Variants in EXO1 observed in about 807,000 individuals in gnomAD.
The protein encoded by EXO1 is exonuclease 1.
Under a neutral mutation model 84.5 loss-of-function variants are expected in EXO1, and 69 were observed. The observed-to-expected ratio is 0.82, with a 90% CI of 0.67 to 1.00. The LOEUF is 1.00. Ranked by LOEUF, EXO1 falls within the 50% of genes least tolerant of loss-of-function variation. The pLI is 0.00. For missense variants in EXO1, 1,045 were observed against 1,000.7 expected, an observed-to-expected ratio of 1.04 and a Z score of -0.60; for synonymous variants, 373 against 366.1, an observed-to-expected ratio of 1.02 and a Z score of -0.21.
chr1:241,854,575 C>A (rs894584562), intron 6 of EXO1: 2 of 152,228 alleles, frequency 1.3e-5, no homozygotes. Flanking sequence ...CTGTATGGGT[C>A]AAGCTAGAAG....
At chr1:241,879,540 A>G (rs999290847) in intron 13 of EXO1, among the ~76,000 whole-genome samples, 197 bp downstream of exon 13, 4 of 152,220 alleles carry the variant, frequency 2.6e-5, no homozygotes, top group African/African-American at 7.2e-5. Context: ...AAACTGCAAT[A>G]CATTTAAATT....
chr1:241,860,812 T>C (rs1477313353), intron 9 of EXO1, 108 bp downstream of exon 9: 5 of 883,780 alleles, frequency 5.7e-6, no homozygotes, highest in African/African-American at 1.7e-5. Context: ...TATTTTTTGC[T>C]CTCTTTTTTA....
At chr1:241,856,513 TAC>T (rs1373293199) in intron 6 of EXO1, among the ~76,000 whole-genome samples, 47 of 152,150 alleles carry the variant, frequency 3.1e-4, no homozygotes, top group Admixed American at 3.1e-3. Context: ...TGTGTATATA[TAC>T]GTGTGTGTGT....
At chr1:241,848,069 A>G (rs1282573720), upstream of EXO1, 2 of 152,274 alleles carry the variant, frequency 1.3e-5, no homozygotes, top group African/African-American at 4.8e-5. The surrounding 1 kb of genome is among the most constrained non-coding windows in gnomAD (Gnocchi z 4.2). Context: ...GCCGCTGTCT[A>G]CCCAGCGAGA....
At chr1:241,861,229 A>G (rs1201313374) in intron 9 of EXO1, among the ~76,000 whole-genome samples, 177 bp from the exon 10 acceptor site, 2 of 152,264 alleles carry the variant, frequency 1.3e-5, no homozygotes, top group Admixed American at 6.5e-5. Context: ...GCAGAGACAG[A>G]TAGAGACTAG....
intron 15 of EXO1, among the ~76,000 whole-genome samples, chr1:241,886,342 CTT>C: frequency 6.6e-6 from 1 of 152,180 alleles, no homozygotes; most frequent in Admixed American, 6.5e-5. Flanking sequence ...ATAATACTTC[CTT>C]CTGTTAGACC....
rs1341096291 is a variant in EXO1, at chr1:241,852,308, A to T, written c.178A>T (p.Met60Leu). Residue 60 changes from methionine to leucine, a missense_variant, in exon 5 of 16, where the codon ATG (methionine) becomes TTG (leucine). Met to Leu is a conservative substitution (Grantham distance 15, BLOSUM62 2). Transcript: ENST00000366548. ...TTTCCATAGGTATGTAGGATTTTGT[A>T]TGAAATTTGTAAATATGTTACTATC... ...EPTDRYVGFCMKFVNMLLSHG... is the reference protein window; with the variant it reads ...EPTDRYVGFCLKFVNMLLSHG... The T allele has an allele frequency of 1.9e-6, 3 of 1,602,698 alleles. No individual in the cohort carries two copies. Among genetic ancestry groups the T allele is most frequent in the African/African-American group, 2.7e-5 (2 of 74,710 alleles).
intron 11 of EXO1, among the ~76,000 whole-genome samples, chr1:241,868,553 A>G (rs1470200499): frequency 6.6e-6 from 1 of 152,176 alleles, no homozygotes; most frequent in East Asian, 1.9e-4. Flanking sequence ...CTGTAGTCCC[A>G]TCTATTCAGG....
rs538504721 is a variant in EXO1, at chr1:241,885,145, T to TG, written c.2212-168dup. 3.5e-4 allele frequency among the ~76,000 whole-genome samples: 52 copies of TG among 150,512 alleles called. No homozygotes were observed. In the South Asian group the frequency reaches 0.01, roughly 30 times the overall value. ...TGGCGTCAACCCGGGAGGTGGAGCT[T>TG]GCAGTGAGCCGAGATCGCACCACTG... On this transcript the variant is annotated intron_variant, in intron 14 of 15. Coordinates refer to ENST00000366548, the MANE Select transcript of EXO1 (RefSeq NM_130398.4).
At chr1:241,870,003 G>A (rs1661998835) in intron 11 of EXO1, among the ~76,000 whole-genome samples, 1 of 152,122 alleles carries the variant, frequency 6.6e-6, no homozygotes, top group African/African-American at 2.4e-5. Context: ...GTAGAGACGG[G>A]GTTTCACCAT....
chr1:241,885,341 G>A lies in EXO1; in HGVS notation c.2239G>A (p.Ala747Thr). 6.2e-7 allele frequency: 1 copy of A among 1,613,764 alleles called. No individual in the cohort carries two copies. The highest frequency in any genetic ancestry group is 8.5e-7 in the Non-Finnish European group (1 of 1,179,836). The change falls in exon 15 of 16, where the codon GCA becomes ACA. Residue 747 changes from alanine (A) to threonine (T), a missense_variant. Ala to Thr is a moderately conservative substitution (Grantham distance 58). Transcript: ENST00000366548. ...KVPGLYKSSSADSLSTTKIKP... is the reference protein window; with the variant it reads ...KVPGLYKSSSTDSLSTTKIKP... ...TCCTGGGCTATATAAGTCCAGTTCT[G>A]CAGACTCTCTTTCTACAACCAAGAT... is the stretch of plus-strand genomic sequence containing the variant.
chr1:241,850,052 C>T (rs987331821), intron 3 of EXO1, among the ~76,000 whole-genome samples: 24 of 152,264 alleles, frequency 1.6e-4, no homozygotes, highest in Admixed American at 1.4e-3. Context: ...GAGGCCGAGG[C>T]GGGCGGATCA....
intron 12 of EXO1, among the ~76,000 whole-genome samples, chr1:241,877,572 A>G (rs1029849269): frequency 6.6e-6 from 1 of 152,124 alleles, no homozygotes; most frequent in East Asian, 1.9e-4. Flanking sequence ...TATTCTGTTC[A>G]TTATCTTGGA....
At chr1:241,871,929 T>A in intron 11 of EXO1, 103 bp from the exon 12 acceptor site, 13 of 759,198 alleles carry the variant, frequency 1.7e-5, no homozygotes, top group Non-Finnish European at 2.8e-5. Flanking sequence ...TTTTTTTTTT[T>A]AAAGTCCTTA....
intron 11 of EXO1, among the ~76,000 whole-genome samples, chr1:241,871,690 T>C (rs1662097106): frequency 6.6e-6 from 1 of 152,164 alleles, no homozygotes; most frequent in South Asian, 2.1e-4. Flanking sequence ...CATATAAATT[T>C]TCCTGGAGAT....
intron 5 of EXO1, among the ~76,000 whole-genome samples, chr1:241,852,872 G>T (rs768841866): frequency 2.6e-4 from 40 of 152,036 alleles, no homozygotes; most frequent in Non-Finnish European, 5.0e-4. Flanking sequence ...GGCCAGGCTG[G>T]TCTCAAACTC....
At chr1:241,869,874 C>T (rs544082016) in intron 11 of EXO1, among the ~76,000 whole-genome samples, 11 of 151,030 alleles carry the variant, frequency 7.3e-5, no homozygotes, top group African/African-American at 9.7e-5. Context: ...AGGGCAGTGG[C>T]GTGTTCTTGG....
intron 10 of EXO1, among the ~76,000 whole-genome samples, chr1:241,861,990 G>A (rs1661423775): frequency 6.6e-6 from 1 of 152,100 alleles, no homozygotes; most frequent in Non-Finnish European, 1.5e-5. Context: ...CCAGGCTGGA[G>A]TGCAATGGTG....
rs1344925020 is a variant in EXO1 at position 241,850,448 on chromosome 1, A to T, written c.23A>T (p.Gln8Leu). MGIQGLL[Q>L]FIKEASEPIH... ...ACCATGGGGATACAGGGATTGCTAC[A>T]ATTTATCAAAGAAGCTTCAGAACCC... The change falls in exon 4 of 16, where the codon CAA becomes CTA. Residue 8 changes from glutamine to leucine, a missense_variant. By Grantham distance (113) the Gln-to-Leu change is moderately radical (BLOSUM62 -2). Transcript: ENST00000366548. The T allele has an allele frequency of 6.2e-7, 1 of 1,613,980 alleles. No individual in the cohort carries two copies. The highest frequency in any genetic ancestry group is 2.2e-5 in the East Asian group (1 of 44,872).
Sources: gnomAD v4.1 joint callset for allele counts (sites outside exome capture counted in the v4.1 genomes callset) on GRCh38, gnomAD v4.1.1 for gene constraint, Gnocchi (gnomAD v3.1) non-coding constraint, MANE v1.5 for transcripts, NCBI Gene and HGNC (gene_info 2026-07-23, HGNC 2026-07-21) for gene names.